Variants in ATP11A observed in about 807,000 individuals in gnomAD.
The protein encoded by ATP11A is phospholipid-transporting ATPase IH.
A neutral mutation model predicts 154.4 loss-of-function variants in ATP11A; 81 were observed. The observed-to-expected ratio is 0.52, with a 90% CI of 0.44 to 0.63. ATP11A has a LOEUF of 0.63. Among genes scored for constraint, ATP11A ranks in the 30% least tolerant of loss-of-function variants. ATP11A has a pLI of 0.00. For synonymous variants in ATP11A, 623 were observed against 585.9 expected, an observed-to-expected ratio of 1.06 and a Z score of -0.91; for missense variants, 1,316 against 1,474.3, an observed-to-expected ratio of 0.89 and a Z score of 1.76.
intron 1 of ATP11A, among the ~76,000 whole-genome samples, chr13:112,779,455 C>T (rs2139998960): frequency 6.6e-6 from 1 of 152,214 alleles, no homozygotes; most frequent in South Asian, 2.1e-4. Context: ...CGCTGTGCTT[C>T]AGCTGGGACA....
Position 112,832,871 on chromosome 13 carries a change from G to C in ATP11A, c.1407G>C (p.Glu469Asp), listed in dbSNP as rs2079134370. Residue 469 changes from glutamate to aspartate, a missense_variant, in exon 14 of 30, where the codon GAG becomes GAC. Transcript: ENST00000375645. ...CTGCTTTTTTATAGGAGCGCGAGGA[G>C]CTGTTTTTCCGGGCCCTCTGTCTCT... ...SPSVNGRERE[E>D]LFFRALCLCH... is the part of the protein sequence containing the mutation. 1 of 1,613,108 alleles carries C rather than the reference G, an allele frequency of 6.2e-7. No individual in the cohort carries two copies. The highest frequency in any genetic ancestry group is 1.3e-5 in the African/African-American group (1 of 74,922).
intron 12 of ATP11A, among the ~76,000 whole-genome samples, chr13:112,829,527 T>G (rs1273762060): frequency 6.6e-6 from 1 of 152,050 alleles, no homozygotes; most frequent in Non-Finnish European, 1.5e-5. Flanking sequence ...ATAACATCTC[T>G]CAACAAATTT....
chr13:112,785,204 G>C lies in ATP11A; in HGVS notation c.109G>C (p.Ala37Pro), dbSNP rs769716430. ...GGGACACAGGGAGCCACCTCCGGGC[G>C]CAGAGGCCTACATCCCACAGAGATA... ...YVGHREPPPG[A>P]EAYIPQRYPD... Residue 37 changes from alanine to proline, a missense_variant, in exon 2 of 30, where the codon GCA becomes CCA. Transcript: ENST00000375645. The surrounding 1 kb of genome is among the most constrained non-coding windows in gnomAD (Gnocchi z 4.8). The C allele has an allele frequency of 3.2e-6, 5 of 1,577,064 alleles. No individual in the cohort carries two copies. In the South Asian group the frequency reaches 5.8e-5, roughly 18 times the overall value.
intron 1 of ATP11A, among the ~76,000 whole-genome samples, chr13:112,734,866 G>A (rs150137243): frequency 8.0e-4 from 122 of 152,150 alleles, no homozygotes; most frequent in African/African-American, 2.8e-3. Flanking sequence ...TTCTGCCCAC[G>A]CCCCCATTTC....
intron 25 of ATP11A, among the ~76,000 whole-genome samples, chr13:112,864,270 C>G (rs140565359): frequency 4.1e-5 from 3 of 73,636 alleles, no homozygotes; most frequent in African/African-American, 1.6e-4. Flanking sequence ...CCATCACCAC[C>G]TGCGCAGTAA....
chr13:112,808,983 G>A (rs1049984479), intron 4 of ATP11A, among the ~76,000 whole-genome samples: 12 of 152,184 alleles, frequency 7.9e-5, no homozygotes, highest in Admixed American at 6.5e-4. Context: ...CCCGCAGCCC[G>A]GGCGCTAGGC....
At chr13:112,742,244 TGCATGGGAAATGCA>T (rs897946550) in intron 1 of ATP11A, among the ~76,000 whole-genome samples, 17 of 152,320 alleles carry the variant, frequency 1.1e-4, no homozygotes, top group Middle Eastern at 6.8e-3. Flanking sequence ...GGCCTGATGT[TGCATGGGAAATGCA>T]GCATGGGAAC....
At chr13:112,815,533 T>G (rs984939822) in intron 5 of ATP11A, among the ~76,000 whole-genome samples, 4 of 152,260 alleles carry the variant, frequency 2.6e-5, no homozygotes, top group Non-Finnish European at 4.4e-5. Context: ...TGAGATGCCT[T>G]CCTCACTGAT....
chr13:112,788,994 C>T (rs1243336014), intron 2 of ATP11A, among the ~76,000 whole-genome samples: 2 of 151,652 alleles, frequency 1.3e-5, no homozygotes, highest in Middle Eastern at 3.2e-3. Context: ...TGTAGACATA[C>T]TTAATTCACA....
rs565049144 is a variant in ATP11A, at chr13:112,878,149, G to A, written c.3328-68G>A. 6.4e-5 allele frequency: 92 copies of A among 1,432,798 alleles called. 1 individual carries two copies. Among genetic ancestry groups the A allele is most frequent in the East Asian group, 3.6e-4 (16 of 43,958 alleles). The allele number at this position is 1,432,798 out of a possible 1,614,324, so 88.8% of individuals were successfully genotyped here. A position where few individuals can be genotyped will look rare whatever the true frequency, so the allele number is the denominator to read the frequency against. ...TCCCATTTCCTTCCGTCTTCCGACC[G>A]CTTTGCCTAAATCCTCACACCTTGT... is the stretch of plus-strand genomic sequence containing the variant. On this transcript the variant is annotated intron_variant, in intron 28 of 29. Transcript: ENST00000375645.
intron 1 of ATP11A, among the ~76,000 whole-genome samples, chr13:112,700,336 G>C (rs1460033879): frequency 6.6e-6 from 1 of 152,212 alleles, no homozygotes; most frequent in Non-Finnish European, 1.5e-5. Flanking sequence ...GGGCACCTCC[G>C]GGAGGCAGCC....
chr13:112,876,569 CAG>C (rs1160696108), intron 28 of ATP11A, among the ~76,000 whole-genome samples: 2 of 152,186 alleles, frequency 1.3e-5, no homozygotes, highest in Non-Finnish European at 2.9e-5. Flanking sequence ...TGCCTGTCCT[CAG>C]AGGGCCGCTG....
chr13:112,862,510 G>A lies in ATP11A; in HGVS notation c.2926G>A (p.Ala976Thr), dbSNP rs140812688. The change falls in exon 25 of 30, where the codon GCA becomes ACA. Residue 976 changes from alanine to threonine, a missense_variant. Physicochemically the swap from Ala to Thr is moderately conservative, Grantham distance 58. Around this residue, in one of 5 missense-constraint regions of ATP11A, gnomAD observed 294 missense variants for 290.2 expected, o/e 1.01. Coordinates refer to ENST00000375645, the MANE Select transcript of ATP11A (RefSeq NM_015205.3). ...IYWTLLGLFD[A>T]LVFFFGAYFV... ...CTGGACGCTCCTGGGACTGTTTGACGCACTGGTGTTCTTCTTTGGTGCTTA... is the reference window on the plus strand; with the variant it reads ...CTGGACGCTCCTGGGACTGTTTGACACACTGGTGTTCTTCTTTGGTGCTTA... 2.3e-5 allele frequency: 37 copies of A among 1,614,036 alleles called. No individual in the cohort carries two copies. Among genetic ancestry groups the A allele is most frequent in the Middle Eastern group, 3.3e-4 (2 of 6,078 alleles).
rs756949532 is a variant in ATP11A at position 112,857,872 on chromosome 13, G to A, written c.2473G>A (p.Asp825Asn). 9.9e-6 allele frequency: 16 copies of A among 1,614,092 alleles called. No individual in the cohort carries two copies. The highest frequency in any genetic ancestry group is 3.4e-6 in the Non-Finnish European group (4 of 1,180,050). Reference sequence around the variant, plus strand: ...GCACCCAATCACGTTAGCAATTGGCGATGGTGCAAATGATGTCAGCATGAT... The same window carrying A: ...GCACCCAATCACGTTAGCAATTGGCAATGGTGCAAATGATGTCAGCATGAT... ...KEHPITLAIG[D>N]GANDVSMILE... The change falls in exon 21 of 30, where the codon GAT (aspartate) becomes AAT (asparagine). Residue 825 changes from aspartate (D) to asparagine (N), a missense_variant. Physicochemically the swap from Asp to Asn is conservative, Grantham distance 23. Around this residue, in one of 5 missense-constraint regions of ATP11A, gnomAD observed 876 missense variants for 1,006.8 expected, o/e 0.87. Transcript: ENST00000375645.
chr13:112,792,259 A>G (rs1418467571), intron 2 of ATP11A, among the ~76,000 whole-genome samples: 1 of 152,196 alleles, frequency 6.6e-6, no homozygotes, highest in African/African-American at 2.4e-5. Flanking sequence ...CAGGTAAACC[A>G]AAGTGGAATT....
At chr13:112,803,766 CCTCCTTCCT>C (rs2078206994) in intron 2 of ATP11A, among the ~76,000 whole-genome samples, 1 of 118,280 alleles carries the variant, frequency 8.5e-6, no homozygotes, top group Non-Finnish European at 1.8e-5. Flanking sequence ...CCCCTCCTTC[CCTCCTTCCT>C]CTCCCTCCCC....
rs1043438387 is a variant in ATP11A, at chr13:112,807,437, C to T, written c.333+1144C>T. Among the ~76,000 whole-genome samples the T allele has an allele frequency of 3.9e-5, 6 of 152,204 alleles. No individual in the cohort carries two copies. The highest frequency in any genetic ancestry group is 1.2e-4 in the African/African-American group (5 of 41,454). The stretch of plus-strand genomic sequence containing the variant: ...CGTAAGGAAATGGACAGCTCCGCCG[C>T]GGTGCATGGCAGAACACAGCACAGT... On this transcript the variant is annotated intron_variant, in intron 4 of 29. Coordinates refer to ENST00000375645, the MANE Select transcript of ATP11A (RefSeq NM_015205.3). The surrounding 1 kb of genome is among the most constrained non-coding windows in gnomAD (Gnocchi z 4.5).
chr13:112,815,961 G>A (rs1293298100), intron 5 of ATP11A, 122 bp from the exon 6 acceptor site: 30 of 1,357,612 alleles, frequency 2.2e-5, no homozygotes, highest in Middle Eastern at 2.7e-4. Flanking sequence ...TCCTGAAACC[G>A]TGTCCACATC....
At chr13:112,735,598 G>A (rs570946914) in intron 1 of ATP11A, among the ~76,000 whole-genome samples, 2 of 152,198 alleles carry the variant, frequency 1.3e-5, no homozygotes, top group Non-Finnish European at 2.9e-5. Context: ...GAGTCAATCT[G>A]TTCATTTCCA....
Sources: allele counts gnomAD v4.1 joint callset (sites outside exome capture counted in the v4.1 genomes callset), GRCh38; gene constraint gnomAD v4.1.1; regional missense constraint gnomAD v4.1.1; non-coding constraint Gnocchi (gnomAD v3.1); transcripts MANE v1.5; gene names NCBI Gene and HGNC (gene_info 2026-07-23, HGNC 2026-07-21).